CMTM4: variants seen among roughly 807,000 people sequenced by gnomAD.
CMTM4 encodes CKLF-like MARVEL transmembrane domain-containing protein 4.
CMTM4 carries 8 observed loss-of-function variants against 19.0 expected under a neutral mutation model. The ratio of observed to expected loss-of-function variants is 0.42; its 90% CI spans 0.25 to 0.76. The LOEUF is 0.76. CMTM4 is among the 30% of genes least tolerant of loss of function. The probability of loss-of-function intolerance (pLI) is 0.27; values close to 1 mark genes in which losing one functional copy is unlikely to be tolerated. For synonymous variants in CMTM4, 106 were observed against 121.1 expected, an observed-to-expected ratio of 0.88 and a Z score of 0.82; for missense variants, 228 against 290.2, an observed-to-expected ratio of 0.79 and a Z score of 1.56.
chr16:66,695,087 C>T (rs920407739), intron 1 of CMTM4, among the ~76,000 whole-genome samples: 3 of 152,120 alleles, frequency 2.0e-5, no homozygotes, highest in Admixed American at 2.0e-4. Flanking sequence ...TGGCTCATGC[C>T]TGTAATCCCA....
chr16:66,631,310 G>A (rs1331182125), intron 2 of CMTM4, among the ~76,000 whole-genome samples: 1 of 150,176 alleles, frequency 6.7e-6, no homozygotes, highest in African/African-American at 2.5e-5. Flanking sequence ...GAGGGAGGTG[G>A]GGGGTCAGCC....
intron 1 of CMTM4, among the ~76,000 whole-genome samples, chr16:66,645,080 T>A (rs2016167339): frequency 1.3e-5 from 2 of 150,718 alleles, no homozygotes; most frequent in African/African-American, 4.9e-5. Context: ...GGTCAGGAGT[T>A]TGAGACCAGC....
chr16:66,621,744 G>A lies in CMTM4; in HGVS notation c.*314C>T. On this transcript the variant is annotated 3_prime_UTR_variant, in exon 4 of 4. Transcript: ENST00000394106. ...TCTTAGCAGCCCCATTTAATCCAAA[G>A]TCTTGTTACAAATACACACGACAAG... The A allele has an allele frequency of 8.6e-7, 1 of 1,159,154 alleles. No individual in the cohort carries two copies. Among genetic ancestry groups the A allele is most frequent in the Non-Finnish European group, 1.1e-6 (1 of 934,108 alleles). The allele number at this position is 1,159,154 out of a possible 1,614,324, so 71.8% of individuals were successfully genotyped here. A position where few individuals can be genotyped will look rare whatever the true frequency, so the allele number is the denominator to read the frequency against.
At chr16:66,684,866 C>G (rs2017004495) in intron 1 of CMTM4, among the ~76,000 whole-genome samples, 1 of 152,092 alleles carries the variant, frequency 6.6e-6, no homozygotes, top group East Asian at 1.9e-4. Flanking sequence ...CGAAGCCATC[C>G]CCCTGAGCAG....
At chr16:66,600,136 G>GGTTTTTTTTT in the CMTM4 span, among the ~76,000 whole-genome samples, 25 of 135,130 alleles carry the variant, frequency 1.9e-4, 1 homozygote, top group African/African-American at 3.5e-4. Context: ...GTGTGTGTGT[G>GGTTTTTTTTT]TTTTTTTTTG....
At chr16:66,630,591 C>T (rs1194591191) in intron 2 of CMTM4, among the ~76,000 whole-genome samples, 1 of 151,934 alleles carries the variant, frequency 6.6e-6, no homozygotes, top group African/African-American at 2.4e-5. Flanking sequence ...CCGCCAGCCT[C>T]GGCCTCCCGA....
chr16:66,657,189 G>A (rs2016413695), intron 1 of CMTM4, among the ~76,000 whole-genome samples: 1 of 151,360 alleles, frequency 6.6e-6, no homozygotes, highest in Non-Finnish European at 1.5e-5. Flanking sequence ...GGTTCATGCG[G>A]TTCTCCTGCC....
chr16:66,651,714 A>G (rs1257375023), intron 1 of CMTM4, among the ~76,000 whole-genome samples: 1 of 152,210 alleles, frequency 6.6e-6, no homozygotes, highest in Non-Finnish European at 1.5e-5. Flanking sequence ...AAAGCCCACA[A>G]CATGACTGCT....
intron 1 of CMTM4, among the ~76,000 whole-genome samples, chr16:66,672,924 C>CT (rs150720178): frequency 0.066 from 7,072 of 107,910 alleles, 344 homozygotes; most frequent in Admixed American, 0.098. Flanking sequence ...CTGCGCCTGG[C>CT]TTTTTTTTTT....
intron 1 of CMTM4, among the ~76,000 whole-genome samples, chr16:66,643,124 T>C (rs1344577780): frequency 6.6e-6 from 1 of 152,204 alleles, no homozygotes; most frequent in East Asian, 1.9e-4. Flanking sequence ...TTTCGTCATG[T>C]TGGTCAGGCT....
chr16:66,628,797 T>C (rs1416010145), intron 2 of CMTM4, among the ~76,000 whole-genome samples: 1 of 152,212 alleles, frequency 6.6e-6, no homozygotes, highest in African/African-American at 2.4e-5. Context: ...TCAGTACTCA[T>C]TCCTTTTTAT....
chr16:66,612,736 T>C (rs1009395107), downstream of CMTM4: 4 of 1,218,996 alleles, frequency 3.3e-6, no homozygotes, highest in Admixed American at 8.0e-5. The surrounding 1 kb of genome is among the most constrained non-coding windows in gnomAD (Gnocchi z 6.0). Flanking sequence ...GACTTCTGAG[T>C]TGCAGAGGGG....
intron 1 of CMTM4, among the ~76,000 whole-genome samples, chr16:66,659,374 CAAA>C (rs1207738260): frequency 8.6e-6 from 1 of 116,426 alleles, no homozygotes; most frequent in Non-Finnish European, 1.8e-5. Flanking sequence ...GACTCTGCCT[CAAA>C]AAAAAAAAAA....
At chr16:66,669,296 T>C (rs2016659081) in intron 1 of CMTM4, among the ~76,000 whole-genome samples, 1 of 152,108 alleles carries the variant, frequency 6.6e-6, no homozygotes, top group African/African-American at 2.4e-5. Flanking sequence ...GAGAAACAGA[T>C]GAGGTTGCCA....
At chr16:66,666,700 T>C (rs915736496) in intron 1 of CMTM4, among the ~76,000 whole-genome samples, 8 of 152,174 alleles carry the variant, frequency 5.3e-5, no homozygotes, top group African/African-American at 1.7e-4. Context: ...TATTATGAGA[T>C]GCCACTACAC....
At chr16:66,612,401 AAGAG>A (rs922225945), downstream of CMTM4, among the ~76,000 whole-genome samples, 8 of 151,976 alleles carry the variant, frequency 5.3e-5, no homozygotes, top group African/African-American at 1.4e-4. The surrounding 1 kb of genome is among the most constrained non-coding windows in gnomAD (Gnocchi z 6.0). Context: ...ACAAAAAAAA[AAGAG>A]AGAGAGAAAG....
intron 1 of CMTM4, among the ~76,000 whole-genome samples, chr16:66,673,229 A>T: frequency 1.4e-5 from 2 of 139,248 alleles, no homozygotes; most frequent in Non-Finnish European, 3.1e-5. Context: ...TTTTTTTGAG[A>T]CAGAGTCTCA....
chr16:66,647,776 TCCTCCCACCTCAG>T (rs2016232683), intron 1 of CMTM4, among the ~76,000 whole-genome samples: 1 of 151,896 alleles, frequency 6.6e-6, no homozygotes, highest in South Asian at 2.1e-4. Flanking sequence ...GCTCAAGAGA[TCCTCCCACCTCAG>T]CCTCCCGAGT....
intron 1 of CMTM4, among the ~76,000 whole-genome samples, chr16:66,688,346 G>A (rs2017073680): frequency 6.6e-6 from 1 of 152,174 alleles, no homozygotes; most frequent in Non-Finnish European, 1.5e-5. Flanking sequence ...TTGAGACGCT[G>A]AGCTAGGGAG....
Sources: allele counts gnomAD v4.1 joint callset (sites outside exome capture counted in the v4.1 genomes callset), GRCh38; gene constraint gnomAD v4.1.1; non-coding constraint Gnocchi (gnomAD v3.1); transcripts MANE v1.5; gene names NCBI Gene and HGNC (gene_info 2026-07-23, HGNC 2026-07-21).